Variants in CNTLN observed in about 807,000 individuals in gnomAD.
CNTLN encodes centlein.
CNTLN carries 212 observed loss-of-function variants against 180.0 expected under a neutral mutation model. The observed-to-expected ratio is 1.18, with a 90% CI of 1.05 to 1.32. The LOEUF is 1.32. Ranked by LOEUF, CNTLN falls within the 40% of genes most tolerant of loss-of-function variation. CNTLN has a pLI of 0.00. For missense variants in CNTLN, 2,095 were observed against 1,610.9 expected (o/e 1.30, Z -5.14); for synonymous variants, 722 against 563.1 (o/e 1.28, Z -3.99).
At chr9:17,199,261 G>T (rs901006840) in intron 2 of CNTLN, among the ~76,000 whole-genome samples, 8 of 145,430 alleles carry the variant, frequency 5.5e-5, no homozygotes, top group Non-Finnish European at 1.0e-4. Context: ...GTCCAGGCTG[G>T]AGTGCAGTGG....
intron 12 of CNTLN, among the ~76,000 whole-genome samples, chr9:17,355,481 G>C (rs1822761831): frequency 1.3e-5 from 2 of 152,068 alleles, no homozygotes; most frequent in Admixed American, 1.3e-4. Flanking sequence ...TTATGCTTTT[G>C]GTGTCATAAT....
At chr9:17,354,917 G>C (rs187108490) in intron 12 of CNTLN, among the ~76,000 whole-genome samples, 3 of 151,852 alleles carry the variant, frequency 2.0e-5, no homozygotes, top group Non-Finnish European at 4.4e-5. Flanking sequence ...TGAGCCCAGC[G>C]AGACCACGAG....
chr9:17,497,436 G>C lies in CNTLN; in HGVS notation c.4120-5115G>C, dbSNP rs182468685. Among the ~76,000 whole-genome samples, 22 of 152,250 alleles carry C rather than the reference G, an allele frequency of 1.4e-4. No individual in the cohort carries two copies. In the South Asian group the frequency reaches 4.6e-3, roughly 32 times the overall value. On this transcript the variant is annotated intron_variant, in intron 25 of 25. Transcript: ENST00000380647. The stretch of plus-strand genomic sequence containing the variant: ...AACTTACCATAGCCCTAAAGAACTT[G>C]CTGGCAGTTCATTTTACTAAATCCT...
chr9:17,526,187 G>A, the CNTLN span, among the ~76,000 whole-genome samples: 35 of 152,124 alleles, frequency 2.3e-4, no homozygotes, highest in African/African-American at 7.5e-4. Context: ...CACCCACCTC[G>A]GCCTCCCAAA....
At chr9:17,380,797 G>A (rs1035683944) in intron 13 of CNTLN, among the ~76,000 whole-genome samples, 1 of 152,162 alleles carries the variant, frequency 6.6e-6, no homozygotes. Context: ...ACAATAGCAA[G>A]CATTTATTTA....
chr9:17,202,646 G>GTTTTTTTTTTTTTTT (rs57960408), intron 2 of CNTLN, among the ~76,000 whole-genome samples: 34 of 71,460 alleles, frequency 4.8e-4, no homozygotes, highest in East Asian at 1.6e-3. Context: ...TGCAACCTCT[G>GTTTTTTTTTTTTTTT]TTTTTTTTTT....
the CNTLN span, among the ~76,000 whole-genome samples, chr9:17,523,178 C>G: frequency 1.3e-5 from 2 of 152,126 alleles, no homozygotes; most frequent in Non-Finnish European, 2.9e-5. Flanking sequence ...AGCCTTATAA[C>G]CATAATATTG....
rs1823186270 is a variant in CNTLN, at chr9:17,210,094, G to T, written c.450-16109G>T. 3.3e-5 allele frequency among the ~76,000 whole-genome samples: 5 copies of T among 152,038 alleles called. No homozygotes were observed. In the South Asian group the frequency reaches 1.0e-3, roughly 32 times the overall value. On this transcript the variant is annotated intron_variant, in intron 2 of 25. Transcript: ENST00000380647. ...TTATTTTTATTACACTTTAAGTTCT[G>T]GGGTACATGTGCACAACGTGCAGGT...
At chr9:17,430,228 G>A (rs983932225) in intron 18 of CNTLN, among the ~76,000 whole-genome samples, 2 of 151,848 alleles carry the variant, frequency 1.3e-5, no homozygotes, top group Non-Finnish European at 2.9e-5. Flanking sequence ...CTCTTTCCAA[G>A]AATCATATTC....
intron 2 of CNTLN, among the ~76,000 whole-genome samples, chr9:17,168,804 A>C (rs971751417): frequency 6.6e-6 from 1 of 151,998 alleles, no homozygotes; most frequent in Non-Finnish European, 1.5e-5. Context: ...GCTCTATTGA[A>C]TAAGGATTAT....
At chr9:17,440,588 CAA>C (rs35350865) in intron 18 of CNTLN, among the ~76,000 whole-genome samples, 4 of 114,626 alleles carry the variant, frequency 3.5e-5, no homozygotes, top group Admixed American at 8.6e-5. Flanking sequence ...GACTCCGTCT[CAA>C]AAAAAAAAAA....
Position 17,309,255 on chromosome 9 carries a change from G to A in CNTLN, c.1341+3G>A, listed in dbSNP as rs1274029389. ...GTGATCCAGACTACTCAGCACAGGTGAGAGACATTTTCTAAAACTGTTATT... is the reference window on the plus strand; with the variant it reads ...GTGATCCAGACTACTCAGCACAGGTAAGAGACATTTTCTAAAACTGTTATT... On this transcript the variant is annotated splice_donor_region_variant and intron_variant, in intron 8 of 25. Transcript: ENST00000380647. 4.5e-6 allele frequency: 7 copies of A among 1,542,332 alleles called. No individual in the cohort carries two copies. Among genetic ancestry groups the A allele is most frequent in the Non-Finnish European group, 6.1e-6 (7 of 1,146,204 alleles).
At chr9:17,434,723 C>T (rs1829657347) in intron 18 of CNTLN, among the ~76,000 whole-genome samples, 1 of 151,630 alleles carries the variant, frequency 6.6e-6, no homozygotes, top group Non-Finnish European at 1.5e-5. Flanking sequence ...TATTTGGTAG[C>T]AATTAAGTAT....
At chr9:17,380,872 T>C (rs1387315766) in intron 13 of CNTLN, among the ~76,000 whole-genome samples, 3 of 152,216 alleles carry the variant, frequency 2.0e-5, no homozygotes, top group Non-Finnish European at 4.4e-5. Flanking sequence ...GGTCCAGCTC[T>C]GTTTCAGGCT....
At chr9:17,408,082 G>A (rs1187418282) in intron 15 of CNTLN, among the ~76,000 whole-genome samples, 1 of 136,990 alleles carries the variant, frequency 7.3e-6, no homozygotes, top group East Asian at 2.3e-4. Context: ...AGCCGAGATC[G>A]TGCCACTACA....
At chr9:17,418,702 A>G (rs1407340188) in intron 18 of CNTLN, among the ~76,000 whole-genome samples, 1 of 151,938 alleles carries the variant, frequency 6.6e-6, no homozygotes, top group Non-Finnish European at 1.5e-5. Flanking sequence ...TTTTTATTCT[A>G]AAGTATTGAA....
intron 18 of CNTLN, among the ~76,000 whole-genome samples, chr9:17,436,827 G>A (rs757437896): frequency 2.0e-5 from 3 of 152,102 alleles, no homozygotes; most frequent in Non-Finnish European, 4.4e-5. Flanking sequence ...TGTTCACACC[G>A]CTAGTAATAA....
chr9:17,519,085 G>GTTATTTATTTATTATTTATTTATTTAT, the CNTLN span, among the ~76,000 whole-genome samples: 1 of 151,126 alleles, frequency 6.6e-6, no homozygotes, highest in African/African-American at 2.5e-5. Flanking sequence ...ACCAGGCCTA[G>GTTATTTATTTATTATTTATTTATTTAT]TTATTTATTT....
chr9:17,182,908 C>G (rs1821209420), intron 2 of CNTLN, among the ~76,000 whole-genome samples: 1 of 152,104 alleles, frequency 6.6e-6, no homozygotes, highest in Admixed American at 6.6e-5. Context: ...TGGGAGGGGC[C>G]CAGTTGAGAT....
Sources: allele counts gnomAD v4.1 joint callset (sites outside exome capture counted in the v4.1 genomes callset), GRCh38; gene constraint gnomAD v4.1.1; transcripts MANE v1.5; gene names NCBI Gene and HGNC (gene_info 2026-07-23, HGNC 2026-07-21).